CCDC83: variants seen among roughly 807,000 people sequenced by gnomAD.
CCDC83 encodes the protein coiled-coil domain-containing protein 83.
In CCDC83, 54 loss-of-function variants were observed where a neutral mutation model predicts 50.1. The ratio of observed to expected loss-of-function variants is 1.08; its 90% CI spans 0.87 to 1.35. The LOEUF is 1.35. Among genes scored for constraint, CCDC83 ranks in the 40% most tolerant of loss-of-function variants. The pLI, the probability that CCDC83 is intolerant of heterozygous loss-of-function variation, is 0.00. For missense variants in CCDC83, 518 were observed against 473.9 expected, an observed-to-expected ratio of 1.09 and a Z score of -0.86; for synonymous variants, 161 against 153.3, an observed-to-expected ratio of 1.05 and a Z score of -0.37.
intron 1 of CCDC83, among the ~76,000 whole-genome samples, chr11:85,856,010 C>G (rs1334959409): frequency 6.6e-6 from 1 of 152,100 alleles, no homozygotes. Context: ...ACTTCTTGCT[C>G]TGGATACTAC....
At position 85,873,197 on chromosome 11, in the gene CCDC83, T is replaced by A. The variant is rs2093249300; in HGVS notation, c.96-14T>A. On this transcript the variant is annotated splice_polypyrimidine_tract_variant and intron_variant, in intron 2 of 10. Transcript: ENST00000342404. ...TAAATGATTCTAACACATTTTATCT[T>A]TGTTGATTCTCAGATGTCAAATAAA... The A allele has an allele frequency of 8.5e-6, 12 of 1,407,094 alleles. No individual in the cohort carries two copies. The highest frequency in any genetic ancestry group is 7.2e-5 in the African/African-American group (5 of 69,032). 87.2% of individuals were successfully genotyped at this position (1,407,094 alleles called of 1,614,324 possible). A position where few individuals can be genotyped will look rare whatever the true frequency, so the allele number is the denominator to read the frequency against.
At position 85,882,685 on chromosome 11, in the gene CCDC83, G is replaced by C; in HGVS notation, c.343+10G>C. 1.2e-6 allele frequency: 2 copies of C among 1,611,866 alleles called. No individual in the cohort carries two copies. The highest frequency in any genetic ancestry group is 1.7e-6 in the Non-Finnish European group (2 of 1,178,702). ...GAAAAAAACTTGAGAGGTGATTTAG[G>C]AACATAGAAAACTATCATAGAGTTG... On this transcript the variant is annotated intron_variant, in intron 4 of 10. Coordinates refer to ENST00000342404, the MANE Select transcript of CCDC83 (RefSeq NM_001286159.2).
chr11:85,909,193 T>C (rs1411230232), intron 7 of CCDC83, among the ~76,000 whole-genome samples: 1 of 152,230 alleles, frequency 6.6e-6, no homozygotes, highest in Non-Finnish European at 1.5e-5. Flanking sequence ...TGTGGTAACA[T>C]ATTGAATGCT....
intron 1 of CCDC83, among the ~76,000 whole-genome samples, chr11:85,859,915 C>T (rs2093165437): frequency 6.6e-6 from 1 of 152,126 alleles, no homozygotes; most frequent in Non-Finnish European, 1.5e-5. Flanking sequence ...ACAAGCCATG[C>T]ATCCAACAAA....
At chr11:85,919,315 C>T in intron 10 of CCDC83, 34 bp from the exon 11 acceptor site, 3 of 1,549,644 alleles carry the variant, frequency 1.9e-6, no homozygotes, top group Non-Finnish European at 2.6e-6. Context: ...GCTGAATCAC[C>T]TCTCCTATTC....
Position 85,862,466 on chromosome 11 carries a change from T to A in CCDC83, c.-28-2630T>A, listed in dbSNP as rs2093182417. 2.0e-5 allele frequency among the ~76,000 whole-genome samples: 3 copies of A among 152,220 alleles called. No individual in the cohort carries two copies. The South Asian group carries it at 6.2e-4, about 32-fold the overall frequency. On this transcript the variant is annotated intron_variant, in intron 1 of 10. Transcript: ENST00000342404. ...TGAATTTTAAAGCTGCTCATTTTTT[T>A]AAAGTTCTGCTGCAGTGTGCTTCTG...
At chr11:85,865,770 C>T (rs145344239) in intron 2 of CCDC83, among the ~76,000 whole-genome samples, 21,040 of 152,022 alleles carry the variant, frequency 0.14, 1,788 homozygotes, top group Middle Eastern at 0.2. Flanking sequence ...TGCCTGTAAT[C>T]CCAGCTTCTC....
At position 85,902,709 on chromosome 11, in the gene CCDC83, CT is replaced by C. The variant is rs1378695316; in HGVS notation, c.672+3695del. Among the ~76,000 whole-genome samples the C allele has an allele frequency of 2.0e-5, 3 of 152,128 alleles. No individual in the cohort carries two copies. The South Asian group carries it at 6.2e-4, about 32-fold the overall frequency. ...CAGAAACTTGGGAGTTAAGTCACCC[CT>C]GTGTATACTCAGGGGATTTGTTCTA... On this transcript the variant is annotated intron_variant, in intron 7 of 10. Transcript: ENST00000342404.
At chr11:85,879,332 CTTCTTT>C (rs1179543897) in intron 3 of CCDC83, among the ~76,000 whole-genome samples, 2 of 151,938 alleles carry the variant, frequency 1.3e-5, no homozygotes, top group Non-Finnish European at 2.9e-5. Flanking sequence ...GATCAAGATT[CTTCTTT>C]TTTTTTTCTA....
chr11:85,883,660 C>T (rs1249034201), intron 4 of CCDC83, among the ~76,000 whole-genome samples: 1 of 152,160 alleles, frequency 6.6e-6, no homozygotes, highest in Non-Finnish European at 1.5e-5. Context: ...GCCAAAACCT[C>T]CATAAATAAC....
rs116678191 is a variant in CCDC83, at chr11:85,920,003, A to C, written c.*493A>C. The C allele has an allele frequency of 0.022, 3,312 of 152,790 alleles. 127 individuals carry two copies. Among genetic ancestry groups the C allele is most frequent in the African/African-American group, 0.076 (3,173 of 41,572 alleles). The allele number at this position is 152,790 out of a possible 1,614,324, so 9.5% of individuals were successfully genotyped here. On this transcript the variant is annotated 3_prime_UTR_variant, in exon 11 of 11. Transcript: ENST00000342404. ...CATGCTGCTAATAAAGACATAATTG[A>C]AACTGGGTAATTTATAAAGGAGGTT... is the stretch of plus-strand genomic sequence containing the variant.
intron 1 of CCDC83, among the ~76,000 whole-genome samples, chr11:85,858,752 T>C (rs919999166): frequency 9.8e-5 from 14 of 142,964 alleles, no homozygotes; most frequent in Admixed American, 6.8e-5. Flanking sequence ...TGTGGACTTA[T>C]ACCTGTGTGC....
At chr11:85,872,009 G>C (rs562076219) in intron 2 of CCDC83, among the ~76,000 whole-genome samples, 7 of 152,278 alleles carry the variant, frequency 4.6e-5, no homozygotes, top group African/African-American at 1.7e-4. Context: ...CTGGAGTGCA[G>C]TGGCATGATC....
intron 7 of CCDC83, among the ~76,000 whole-genome samples, chr11:85,899,952 C>G (rs983692866): frequency 6.6e-6 from 1 of 152,004 alleles, no homozygotes; most frequent in Non-Finnish European, 1.5e-5. Context: ...AGAACTCATC[C>G]ACAAAGAGAA....
chr11:85,919,762 A>AG lies in CCDC83; in HGVS notation c.*253dup. The AG allele has an allele frequency of 2.7e-6, 1 of 370,424 alleles. No individual in the cohort carries two copies. The highest frequency in any genetic ancestry group is 4.8e-6 in the Non-Finnish European group (1 of 208,022). The allele number at this position is 370,424 out of a possible 1,614,324, so 22.9% of individuals were successfully genotyped here. ...AGAAGCATGACAGTGGGTTCAAGGT[A>AG]GTCTCTGAGGTTCCTTTTCACACAC... On this transcript the variant is annotated 3_prime_UTR_variant, in exon 11 of 11. Transcript: ENST00000342404.
chr11:85,868,873 G>T (rs997592165), intron 2 of CCDC83, among the ~76,000 whole-genome samples: 5 of 152,190 alleles, frequency 3.3e-5, no homozygotes, highest in Admixed American at 6.5e-5. Flanking sequence ...AAAAAATATG[G>T]CAGGTCATGT....
At chr11:85,914,261 G>T (rs1225153833) in intron 8 of CCDC83, among the ~76,000 whole-genome samples, 1 of 152,186 alleles carries the variant, frequency 6.6e-6, no homozygotes, top group Non-Finnish European at 1.5e-5. Context: ...TACTTGCTTA[G>T]CTGCTAAGCG....
At chr11:85,893,820 G>C (rs534108803) in intron 5 of CCDC83, among the ~76,000 whole-genome samples, 3 of 152,170 alleles carry the variant, frequency 2.0e-5, no homozygotes, top group Admixed American at 6.5e-5. Flanking sequence ...CCCCAGATGG[G>C]ACCATCTATA....
At chr11:85,904,831 AT>A (rs1185737301) in intron 7 of CCDC83, among the ~76,000 whole-genome samples, 2 of 152,140 alleles carry the variant, frequency 1.3e-5, no homozygotes. Context: ...CTTGCTCCCT[AT>A]TTGACTGAGT....
Sources: gnomAD v4.1 joint callset for allele counts (sites outside exome capture counted in the v4.1 genomes callset) on GRCh38, gnomAD v4.1.1 for gene constraint, MANE v1.5 for transcripts, NCBI Gene and HGNC (gene_info 2026-07-23, HGNC 2026-07-21) for gene names.